Variants in ZNF569 observed in about 807,000 individuals in gnomAD.
ZNF569 encodes DNA-binding protein.
Under a neutral mutation model 56.3 loss-of-function variants are expected in ZNF569, and 38 were observed. The observed-to-expected ratio is 0.68, with a 90% confidence interval of 0.52 to 0.88. ZNF569 has a LOEUF of 0.88. ZNF569 is among the 40% of genes least tolerant of loss of function. ZNF569 has a pLI of 0.00. For missense variants in ZNF569, 666 were observed against 809.2 expected, an observed-to-expected ratio of 0.82 and a Z score of 2.15; for synonymous variants, 241 against 262.9, an observed-to-expected ratio of 0.92 and a Z score of 0.81.
intron 3 of ZNF569, among the ~76,000 whole-genome samples, chr19:37,433,058 C>T (rs982701564): frequency 5.9e-5 from 9 of 151,938 alleles, no homozygotes; most frequent in Non-Finnish European, 1.2e-4. Flanking sequence ...TGCATGCCAC[C>T]ATACCTAACT....
At chr19:37,462,279 T>C (rs2041768435) in intron 2 of ZNF569, among the ~76,000 whole-genome samples, 1 of 152,176 alleles carries the variant, frequency 6.6e-6, no homozygotes, top group African/African-American at 2.4e-5. Flanking sequence ...TTGCTCTGGC[T>C]ACTTAAGGAC....
chr19:37,428,492 C>T lies in ZNF569; in HGVS notation c.16-2114G>A, dbSNP rs1489080863. 1.2e-4 allele frequency among the ~76,000 whole-genome samples: 16 copies of T among 135,316 alleles called. No homozygotes were observed. In the East Asian group the frequency reaches 3.2e-3, roughly 27 times the overall value. The allele number at this position is 135,316 out of a possible 152,430, so 88.8% of individuals were successfully genotyped here. A position where few individuals can be genotyped will look rare whatever the true frequency, so the allele number is the denominator to read the frequency against. ...CCATGATCTCACCACTGCATTAGAGCAGCCTGGGCAATAGAACAAGACCCT... is the reference window on the plus strand; with the variant it reads ...CCATGATCTCACCACTGCATTAGAGTAGCCTGGGCAATAGAACAAGACCCT... On this transcript the variant is annotated intron_variant, in intron 3 of 5. Coordinates refer to ENST00000316950, the MANE Select transcript of ZNF569 (RefSeq NM_152484.3).
intron 3 of ZNF569, among the ~76,000 whole-genome samples, chr19:37,429,263 C>T (rs2041186735): frequency 6.6e-6 from 1 of 152,192 alleles, no homozygotes; most frequent in Non-Finnish European, 1.5e-5. Context: ...TCCTAAGCTT[C>T]TACCTTCCTG....
At chr19:37,420,907 A>T (rs144960125) in intron 5 of ZNF569, among the ~76,000 whole-genome samples, 1 of 152,366 alleles carries the variant, frequency 6.6e-6, no homozygotes, top group African/African-American at 2.4e-5. Flanking sequence ...TGAAAGTCAA[A>T]ATTACTGCTT....
chr19:37,467,822 G>A, upstream of ZNF569: 2 of 1,490,874 alleles, frequency 1.3e-6, no homozygotes, highest in South Asian at 1.2e-5. Context: ...GCGACCTTTT[G>A]TGTGACCATG....
intron 2 of ZNF569, among the ~76,000 whole-genome samples, chr19:37,462,952 G>C (rs148412335): frequency 4.0e-5 from 6 of 151,734 alleles, no homozygotes; most frequent in Middle Eastern, 3.4e-3. Flanking sequence ...ATGTCTAATG[G>C]GCATTCTCAC....
intron 2 of ZNF569, among the ~76,000 whole-genome samples, chr19:37,457,342 T>C: frequency 6.6e-6 from 1 of 152,120 alleles, no homozygotes; most frequent in Non-Finnish European, 1.5e-5. Context: ...TAAGTAACAC[T>C]CCCCTGTTTA....
At chr19:37,446,233 T>C (rs2041491419) in intron 2 of ZNF569, among the ~76,000 whole-genome samples, 2 of 152,102 alleles carry the variant, frequency 1.3e-5, no homozygotes, top group Non-Finnish European at 2.9e-5. Context: ...GGTGCTGGGA[T>C]AATTGGCAAG....
At chr19:37,469,016 C>G, upstream of ZNF569, 9 of 982,084 alleles carry the variant, frequency 9.2e-6, no homozygotes, top group Non-Finnish European at 9.7e-6. Flanking sequence ...TCTCAACTCC[C>G]CGCCCTGGTT....
At chr19:37,461,185 AT>A (rs1410131255) in intron 2 of ZNF569, among the ~76,000 whole-genome samples, 3 of 152,200 alleles carry the variant, frequency 2.0e-5, no homozygotes, top group Non-Finnish European at 2.9e-5. Flanking sequence ...TAATGACAGA[AT>A]TAGAATATCG....
chr19:37,411,537 T>C lies in ZNF569; in HGVS notation c.*1060A>G, dbSNP rs1392559010. On this transcript the variant is annotated 3_prime_UTR_variant, in exon 6 of 6. Coordinates refer to ENST00000316950, the MANE Select transcript of ZNF569 (RefSeq NM_152484.3). ...GTGATATATATCTCTTTGTGTACAT[T>C]TGTGGGTGCCTGTGAGGCCAATACA... 1 of 152,146 alleles carries C rather than the reference T, an allele frequency of 6.6e-6. No individual in the cohort carries two copies. Among genetic ancestry groups the C allele is most frequent in the East Asian group, 1.9e-4 (1 of 5,202 alleles). 9.4% of individuals were successfully genotyped at this position (152,146 alleles called of 1,614,324 possible).
intron 2 of ZNF569, among the ~76,000 whole-genome samples, chr19:37,449,262 A>G (rs2041552287): frequency 6.6e-6 from 1 of 152,170 alleles, no homozygotes; most frequent in Non-Finnish European, 1.5e-5. Flanking sequence ...GTGAATGCCC[A>G]TGCGCACTTG....
chr19:37,441,466 T>A (rs1332609006), intron 3 of ZNF569, among the ~76,000 whole-genome samples: 2 of 152,050 alleles, frequency 1.3e-5, no homozygotes, highest in Non-Finnish European at 2.9e-5. Context: ...GAGATCAGCC[T>A]GGGCAACATA....
chr19:37,465,530 G>A (rs2041816296), intron 1 of ZNF569, 57 bp from the exon 2 acceptor site: 2 of 152,122 alleles, frequency 1.3e-5, no homozygotes, highest in African/African-American at 4.8e-5. Context: ...ATTTACAAAA[G>A]ATTTTTTTAA....
intron 2 of ZNF569, among the ~76,000 whole-genome samples, chr19:37,445,404 G>T (rs866796253): frequency 1.3e-5 from 2 of 152,146 alleles, no homozygotes; most frequent in Non-Finnish European, 2.9e-5. Flanking sequence ...GTGTATCGGA[G>T]GTACTGATGG....
intron 5 of ZNF569, among the ~76,000 whole-genome samples, chr19:37,421,654 A>G (rs1021711414): frequency 2.0e-5 from 3 of 150,932 alleles, no homozygotes; most frequent in Non-Finnish European, 4.4e-5. Flanking sequence ...TTGATCTTCT[A>G]CCCAGACAAC....
chr19:37,431,144 A>G (rs2041219181), intron 3 of ZNF569, among the ~76,000 whole-genome samples: 3 of 152,150 alleles, frequency 2.0e-5, no homozygotes, highest in Admixed American at 6.5e-5. Context: ...TTCCTGGGCA[A>G]GTCCTGGTGC....
intron 5 of ZNF569, among the ~76,000 whole-genome samples, chr19:37,415,106 G>A (rs559736175): frequency 2.3e-4 from 35 of 152,024 alleles, no homozygotes; most frequent in African/African-American, 7.5e-4. Flanking sequence ...CAAACTATCC[G>A]ATTTCATTTA....
Position 37,425,641 on chromosome 19 carries a change from T to C in ZNF569, c.238+227A>G, listed in dbSNP as rs2041118336. 10 of 325,974 alleles carry C rather than the reference T, an allele frequency of 3.1e-5. No individual in the cohort carries two copies. In the South Asian group the frequency reaches 6.0e-4, roughly 20 times the overall value. The allele number at this position is 325,974 out of a possible 1,614,324, so 20.2% of individuals were successfully genotyped here. A position where few individuals can be genotyped will look rare whatever the true frequency, so the allele number is the denominator to read the frequency against. On this transcript the variant is annotated intron_variant, in intron 5 of 5. Transcript: ENST00000316950. The stretch of plus-strand genomic sequence containing the variant: ...AGGCCCAATTTTTCTTTTCTCTTTT[T>C]TTTTTAAGAGATGAGGTCTCACTAT...
Sources: gnomAD v4.1 joint callset for allele counts (sites outside exome capture counted in the v4.1 genomes callset) on GRCh38, gnomAD v4.1.1 for gene constraint, MANE v1.5 for transcripts, NCBI Gene and HGNC (gene_info 2026-07-23, HGNC 2026-07-21) for gene names.